TUFT1: variants seen among roughly 807,000 people sequenced by gnomAD.
TUFT1 encodes the protein tuftelin 1, also known as tuftelin.
A neutral mutation model predicts 57.8 loss-of-function variants in TUFT1; 43 were observed. The ratio of observed to expected loss-of-function variants is 0.74; its 90% CI spans 0.58 to 0.96. The LOEUF is 0.96. Ranked by LOEUF, TUFT1 falls within the 40% of genes least tolerant of loss-of-function variation. The pLI, the probability that TUFT1 is intolerant of heterozygous loss-of-function variation, is 0.00. For missense variants in TUFT1, 459 were observed against 489.0 expected (o/e 0.94, Z 0.58); for synonymous variants, 166 against 176.7 (o/e 0.94, Z 0.48).
intron 7 of TUFT1, among the ~76,000 whole-genome samples, chr1:151,573,760 T>TA (rs767815071): frequency 2.4e-4 from 37 of 152,132 alleles, no homozygotes; most frequent in Non-Finnish European, 4.7e-4. Flanking sequence ...AAAATAATAA[T>TA]AATAAATAAA....
At chr1:151,580,286 G>A (rs946375074) in intron 11 of TUFT1, among the ~76,000 whole-genome samples, 6 of 152,164 alleles carry the variant, frequency 3.9e-5, no homozygotes, top group African/African-American at 1.2e-4. Flanking sequence ...GATAAAATGT[G>A]TATTTTTAAA....
Position 151,574,899 on chromosome 1 carries a change from T to C in TUFT1, c.724-12T>C, listed in dbSNP as rs1245469619. The C allele has an allele frequency of 1.9e-6, 3 of 1,559,420 alleles. No individual in the cohort carries two copies. The highest frequency in any genetic ancestry group is 2.6e-6 in the Non-Finnish European group (3 of 1,150,818). ...TCTTCTCATCCTAGATTTTCTTTTG[T>C]GGCCCACCCAGGAGCATCAGGCCTT... On this transcript the variant is annotated splice_polypyrimidine_tract_variant and intron_variant, in intron 8 of 12. Transcript: ENST00000368849.
intron 9 of TUFT1, among the ~76,000 whole-genome samples, chr1:151,576,340 T>TA (rs1666462283): frequency 6.6e-6 from 1 of 152,150 alleles, no homozygotes. Flanking sequence ...TTACACCAAA[T>TA]ATGTGGGTTT....
At chr1:151,550,197 A>AGTT (rs146310619) in intron 1 of TUFT1, among the ~76,000 whole-genome samples, 3,482 of 148,946 alleles carry the variant, frequency 0.023, 125 homozygotes, top group African/African-American at 0.082. Context: ...ACACCTGGCC[A>AGTT]GTGTTTTGTA....
At chr1:151,545,731 G>A in intron 1 of TUFT1, 2 of 440,296 alleles carry the variant, frequency 4.5e-6, no homozygotes, top group Non-Finnish European at 9.8e-6. Context: ...TGATGATCCA[G>A]GTCCCTCAAC....
chr1:151,575,773 A>G (rs1029140800), intron 9 of TUFT1, among the ~76,000 whole-genome samples: 2 of 152,244 alleles, frequency 1.3e-5, no homozygotes, highest in Non-Finnish European at 2.9e-5. Flanking sequence ...TCAACAAGAC[A>G]TTATCTGAAG....
At chr1:151,542,966 T>G (rs948008553) in intron 1 of TUFT1, among the ~76,000 whole-genome samples, 1 of 152,204 alleles carries the variant, frequency 6.6e-6, no homozygotes, top group Non-Finnish European at 1.5e-5. Context: ...AATAAATAAA[T>G]GAACAGATGT....
At chr1:151,565,844 G>GT (rs1175216882) in intron 5 of TUFT1, 3 of 207,558 alleles carry the variant, frequency 1.4e-5, no homozygotes, top group Non-Finnish European at 3.0e-5. Context: ...TTAGCCTGAG[G>GT]TTTTTTTCAT....
intron 4 of TUFT1, 102 bp from the exon 5 acceptor site, chr1:151,564,423 C>A: frequency 1.2e-6 from 1 of 821,976 alleles, no homozygotes; most frequent in Non-Finnish European, 2.0e-6. Flanking sequence ...TAGGACAGTG[C>A]CTGACTCGCA....
At chr1:151,555,725 T>G (rs1294168201) in intron 1 of TUFT1, among the ~76,000 whole-genome samples, 1 of 139,810 alleles carries the variant, frequency 7.2e-6, no homozygotes, top group Non-Finnish European at 1.5e-5. Context: ...TGCAGTGAGC[T>G]GAGATGGTGC....
chr1:151,559,602 C>T (rs1039483950), intron 1 of TUFT1, among the ~76,000 whole-genome samples: 2 of 152,126 alleles, frequency 1.3e-5, no homozygotes, highest in East Asian at 1.9e-4. Flanking sequence ...GCCTTGCATG[C>T]CACTCTAAGG....
chr1:151,543,806 C>A (rs773235361), intron 1 of TUFT1, among the ~76,000 whole-genome samples: 1 of 152,086 alleles, frequency 6.6e-6, no homozygotes, highest in Non-Finnish European at 1.5e-5. Flanking sequence ...TAGGCCCCCC[C>A]CAGATTACAG....
At chr1:151,568,559 G>A (rs1316260342) in intron 6 of TUFT1, among the ~76,000 whole-genome samples, 1 of 152,186 alleles carries the variant, frequency 6.6e-6, no homozygotes, top group East Asian at 1.9e-4. Flanking sequence ...TGAAATAAGT[G>A]CATAATAGCT....
intron 6 of TUFT1, among the ~76,000 whole-genome samples, chr1:151,569,272 T>C (rs549774036): frequency 1.3e-5 from 2 of 152,316 alleles, no homozygotes; most frequent in South Asian, 4.1e-4. Flanking sequence ...GTGGGAACTC[T>C]AGTCCAAAGG....
chr1:151,566,637 A>G (rs1056865177), intron 6 of TUFT1, among the ~76,000 whole-genome samples: 2 of 152,226 alleles, frequency 1.3e-5, no homozygotes, highest in Admixed American at 6.5e-5. Context: ...GTTGAGTGCC[A>G]GTATTCTAGA....
intron 1 of TUFT1, among the ~76,000 whole-genome samples, chr1:151,557,012 A>C (rs1444537422): frequency 6.6e-6 from 1 of 152,168 alleles, no homozygotes; most frequent in African/African-American, 2.4e-5. Context: ...GATGTGAGCT[A>C]TGATGCCCGG....
intron 1 of TUFT1, among the ~76,000 whole-genome samples, chr1:151,544,208 T>C (rs1407503583): frequency 6.6e-6 from 1 of 152,010 alleles, no homozygotes; most frequent in East Asian, 1.9e-4. Context: ...CTTGAACTCC[T>C]GGTTTAAAGT....
In TUFT1 at chr1:151,581,812, G is replaced by T; in HGVS notation, c.*105G>T. ...CCTTTGACTTCCTGACTGTCCCCTG[G>T]CTGCACCCAGGACTTCGGGCTCCTG... On this transcript the variant is annotated 3_prime_UTR_variant, in exon 13 of 13. Coordinates refer to ENST00000368849, the MANE Select transcript of TUFT1 (RefSeq NM_020127.3). 8.0e-7 allele frequency: 1 copy of T among 1,252,332 alleles called. No homozygotes were observed. The highest frequency in any genetic ancestry group is 1.2e-6 in the Non-Finnish European group (1 of 865,518). The allele number at this position is 1,252,332 out of a possible 1,614,324, so 77.6% of individuals were successfully genotyped here.
At chr1:151,575,607 A>G (rs910418611) in intron 9 of TUFT1, among the ~76,000 whole-genome samples, 1 of 152,206 alleles carries the variant, frequency 6.6e-6, no homozygotes, top group East Asian at 1.9e-4. Flanking sequence ...CAGACAACCA[A>G]TGAAGCCTAC....
Sources: gnomAD v4.1 joint callset for allele counts (sites outside exome capture counted in the v4.1 genomes callset) on GRCh38, gnomAD v4.1.1 for gene constraint, MANE v1.5 for transcripts, NCBI Gene and HGNC (gene_info 2026-07-23, HGNC 2026-07-21) for gene names.